The following ARHGEF33 variants were observed in gnomAD, a reference collection of about 807,000 sequenced individuals.
ARHGEF33 encodes Rho guanine nucleotide exchange factor 33, also known as DH and coiled-coil domain-containing protein ENSP00000381780.
ARHGEF33 carries 72 observed loss-of-function variants against 101.9 expected under a neutral mutation model. The observed-to-expected ratio is 0.71, with a 90% confidence interval of 0.58 to 0.86. The LOEUF is 0.86. Ranked by LOEUF, ARHGEF33 falls within the 40% of genes least tolerant of loss-of-function variation. The pLI, the probability that ARHGEF33 is intolerant of heterozygous loss-of-function variation, is 0.00. For missense variants in ARHGEF33, 1,169 were observed against 1,111.3 expected (o/e 1.05, Z -0.74); for synonymous variants, 499 against 442.5 (o/e 1.13, Z -1.60).
Position 38,973,921 on chromosome 2 carries a change from T to G in ARHGEF33, c.*78T>G. 1.2e-6 allele frequency: 1 copy of G among 817,164 alleles called. No homozygotes were observed. The highest frequency in any genetic ancestry group is 1.6e-6 in the Non-Finnish European group (1 of 628,606). The allele number at this position is 817,164 out of a possible 1,614,324, so 50.6% of individuals were successfully genotyped here. A position where few individuals can be genotyped will look rare whatever the true frequency, so the allele number is the denominator to read the frequency against. On this transcript the variant is annotated 3_prime_UTR_variant, in exon 18 of 18. Coordinates refer to ENST00000409978, the MANE Select transcript of ARHGEF33 (RefSeq NM_001145451.5). ...ATATATCTGTGTAGGAATATATATA[T>G]ATATCTATATCTATATATATATATA...
At chr2:38,892,220 C>T (rs1188561807) in intron 1 of ARHGEF33, among the ~76,000 whole-genome samples, 1 of 152,090 alleles carries the variant, frequency 6.6e-6, no homozygotes, top group Non-Finnish European at 1.5e-5. Context: ...GGATATAATT[C>T]CCTTATATGG....
intron 2 of ARHGEF33, among the ~76,000 whole-genome samples, chr2:38,907,520 A>G (rs1666418549): frequency 6.6e-6 from 1 of 152,168 alleles, no homozygotes; most frequent in African/African-American, 2.4e-5. Context: ...CCGTTTTACA[A>G]TGTACTACTA....
intron 2 of ARHGEF33, among the ~76,000 whole-genome samples, chr2:38,909,184 T>C (rs79523196): frequency 0.017 from 2,529 of 152,272 alleles, 27 homozygotes; most frequent in Middle Eastern, 0.061. Flanking sequence ...GCCACCTTGT[T>C]TCTAGCAGCA....
chr2:38,962,841 C>A (rs1275459435), intron 16 of ARHGEF33, among the ~76,000 whole-genome samples: 3 of 85,586 alleles, frequency 3.5e-5, no homozygotes, highest in Non-Finnish European at 6.6e-5. Context: ...GGTGAAACCC[C>A]GTCTCTACAA....
chr2:38,932,220 T>G (rs567979052), intron 7 of ARHGEF33, among the ~76,000 whole-genome samples: 1 of 152,166 alleles, frequency 6.6e-6, no homozygotes, highest in Non-Finnish European at 1.5e-5. Context: ...CCTCCCGGGT[T>G]CAAGTGATTC....
At chr2:38,962,352 A>G (rs1667962423) in intron 16 of ARHGEF33, among the ~76,000 whole-genome samples, 2 of 152,226 alleles carry the variant, frequency 1.3e-5, no homozygotes, top group Admixed American at 6.5e-5. Context: ...ATGTAATAAC[A>G]ATGTCCTTTT....
intron 2 of ARHGEF33, among the ~76,000 whole-genome samples, chr2:38,914,650 G>A (rs1261863345): frequency 7.5e-6 from 1 of 132,612 alleles, no homozygotes; most frequent in Admixed American, 8.4e-5. Context: ...CTGGGCAACA[G>A]TGAGACTCCA....
At chr2:38,948,331 T>C (rs1018149270) in intron 10 of ARHGEF33, among the ~76,000 whole-genome samples, 13 of 152,246 alleles carry the variant, frequency 8.5e-5, no homozygotes, top group African/African-American at 3.1e-4. Flanking sequence ...TAGAATCCAC[T>C]GTAGGTCATT....
In ARHGEF33 at chr2:38,935,710, C is replaced by T. The variant is rs911564701; in HGVS notation, c.506-65C>T. Reference sequence around the variant, plus strand: ...CTGAGTCTGCCCCCAGTGCCAGGCTCGTGGAAGGTGCTTAGTCCATGTTAG... The same window carrying T: ...CTGAGTCTGCCCCCAGTGCCAGGCTTGTGGAAGGTGCTTAGTCCATGTTAG... On this transcript the variant is annotated intron_variant, in intron 7 of 17. Transcript: ENST00000409978. 1.9e-5 allele frequency: 26 copies of T among 1,346,400 alleles called. No individual in the cohort carries two copies. The Admixed American group carries it at 2.7e-4, about 14-fold the overall frequency. 83.4% of individuals were successfully genotyped at this position (1,346,400 alleles called of 1,614,324 possible).
intron 13 of ARHGEF33, 112 bp from the exon 14 acceptor site, chr2:38,956,787 T>G (rs1667778275): frequency 7.6e-7 from 1 of 1,312,874 alleles, no homozygotes; most frequent in Non-Finnish European, 1.0e-6. Context: ...TGTTCATTGT[T>G]TTGATTAAAT....
chr2:38,957,015 T>G lies in ARHGEF33; in HGVS notation c.1338T>G (p.Asp446Glu). 3 of 1,552,034 alleles carry G rather than the reference T, an allele frequency of 1.9e-6. No individual in the cohort carries two copies. The highest frequency in any genetic ancestry group is 2.6e-6 in the Non-Finnish European group (3 of 1,147,082). The change falls in exon 14 of 18, where the codon GAT (aspartate) becomes GAG (glutamate). Residue 446 changes from aspartate (D) to glutamate (E), a missense_variant. By Grantham distance (45) the Asp-to-Glu change is conservative (BLOSUM62 2). Coordinates refer to ENST00000409978, the MANE Select transcript of ARHGEF33 (RefSeq NM_001145451.5). ...CCCTGCTGTTTCAATGCAATGAAGA[T>G]TTGCTTATTCAGAAACGGAAAAAGC... ...HYTLLFQCNE[D>E]LLIQKRKKLK...
intron 2 of ARHGEF33, among the ~76,000 whole-genome samples, chr2:38,917,905 C>G (rs1379623811): frequency 6.6e-6 from 1 of 151,348 alleles, no homozygotes; most frequent in Non-Finnish European, 1.5e-5. Flanking sequence ...AACTGTTGAT[C>G]TGCATTTTGT....
intron 4 of ARHGEF33, among the ~76,000 whole-genome samples, chr2:38,926,124 T>C (rs1666863349): frequency 6.6e-6 from 1 of 152,322 alleles, no homozygotes; most frequent in East Asian, 1.9e-4. Flanking sequence ...TACCGTAGGC[T>C]TCGAAGTACA....
chr2:38,956,801 T>C, intron 13 of ARHGEF33, 98 bp from the exon 14 acceptor site: 1 of 1,375,306 alleles, frequency 7.3e-7, no homozygotes, highest in Non-Finnish European at 9.9e-7. Context: ...ATTAAATGGC[T>C]ATGAATCTCC....
intron 4 of ARHGEF33, among the ~76,000 whole-genome samples, chr2:38,926,837 C>G (rs1333346978): frequency 6.6e-6 from 1 of 151,972 alleles, no homozygotes; most frequent in African/African-American, 2.4e-5. Context: ...AGCAGGAAAC[C>G]TAAGTGAATG....
At chr2:38,936,250 TAAAAG>T (rs1002452779) in intron 8 of ARHGEF33, among the ~76,000 whole-genome samples, 1 of 152,088 alleles carries the variant, frequency 6.6e-6, no homozygotes, top group African/African-American at 2.4e-5. Flanking sequence ...CAAAAGAAGA[TAAAAG>T]AAAACAAAAT....
rs946292518 is a variant in ARHGEF33 at position 38,931,300 on chromosome 2, T to C, written c.505+49T>C. 8.1e-6 allele frequency: 12 copies of C among 1,481,508 alleles called. No individual in the cohort carries two copies. The Admixed American group carries it at 2.9e-4, about 36-fold the overall frequency. The allele number at this position is 1,481,508 out of a possible 1,614,324, so 91.8% of individuals were successfully genotyped here. On this transcript the variant is annotated intron_variant, in intron 7 of 17. Coordinates refer to ENST00000409978, the MANE Select transcript of ARHGEF33 (RefSeq NM_001145451.5). Reference sequence around the variant, plus strand: ...ATTAATCAAGTATTTTTTTCCCAATTCCCCCAATTAAGAATGGGCTTAAAC... The same window carrying C: ...ATTAATCAAGTATTTTTTTCCCAATCCCCCCAATTAAGAATGGGCTTAAAC...
At chr2:38,927,532 C>T (rs779421545) in intron 4 of ARHGEF33, among the ~76,000 whole-genome samples, 2 of 152,142 alleles carry the variant, frequency 1.3e-5, no homozygotes, top group African/African-American at 2.4e-5. Flanking sequence ...TCCGTCTCTA[C>T]TAAAAATACA....
At chr2:38,940,658 T>C (rs1667280863) in intron 9 of ARHGEF33, among the ~76,000 whole-genome samples, 1 of 152,208 alleles carries the variant, frequency 6.6e-6, no homozygotes, top group Admixed American at 6.5e-5. Context: ...AGTTTCCACA[T>C]ATGTAATCAC....
Sources: gnomAD v4.1 joint callset for allele counts (sites outside exome capture counted in the v4.1 genomes callset) on GRCh38, gnomAD v4.1.1 for gene constraint, MANE v1.5 for transcripts, NCBI Gene and HGNC (gene_info 2026-07-23, HGNC 2026-07-21) for gene names.